CDKL5: variants seen among roughly 807,000 people sequenced by gnomAD.
CDKL5 encodes cyclin dependent kinase like 5, also known as cyclin-dependent kinase-like 5.
Under a neutral mutation model 61.7 loss-of-function variants are expected in CDKL5, and 8 were observed. That is an observed-to-expected ratio of 0.13 (90% confidence interval 0.08 to 0.23). The LOEUF is 0.23. Among genes scored for constraint, CDKL5 ranks in the 10% least tolerant of loss-of-function variants. The pLI is 1.00. For missense variants in CDKL5, 440 were observed against 734.5 expected (o/e 0.60, Z 4.63); for synonymous variants, 275 against 272.3 (o/e 1.01, Z -0.10).
chrX:18,638,547 T>A lies in CDKL5; in HGVS notation c.*9790T>A, dbSNP rs764394894. 1.8e-5 allele frequency: 2 copies of A among 112,568 alleles called. No individual in the cohort carries two copies. The highest frequency in any genetic ancestry group is 6.4e-5 in the African/African-American group (2 of 31,070). 9.3% of individuals were successfully genotyped at this position (112,568 alleles called of 1,213,427 possible). On this transcript the variant is annotated 3_prime_UTR_variant, in exon 18 of 18. Coordinates refer to ENST00000623535, the MANE Select transcript of CDKL5 (RefSeq NM_001323289.2). Reference sequence around the variant, plus strand: ...CTTCAGATTTCCCTCAATAAAAGTTTTAGTTTTTATACATTCTGTCATGAA... The same window carrying A: ...CTTCAGATTTCCCTCAATAAAAGTTATAGTTTTTATACATTCTGTCATGAA...
intron 1 of CDKL5, among the ~76,000 whole-genome samples, chrX:18,460,175 C>T (rs1457708160): frequency 9.0e-6 from 1 of 111,024 alleles, no homozygotes; most frequent in Non-Finnish European, 1.9e-5. Flanking sequence ...TTGAGACAGG[C>T]GTGAGCCACC....
chrX:18,604,306 A>G lies in CDKL5; in HGVS notation c.1382A>G (p.Asn461Ser), dbSNP rs267608629. ...SQSKAGTLQPNEKQSRHSYID... is the reference protein window; with the variant it reads ...SQSKAGTLQPSEKQSRHSYID... ...AGCAAAGCTGGGACACTGCAGCCCA[A>G]TGAAAAGCAGAGTCGGCATAGCTAT... The change falls in exon 12 of 18, where the codon AAT becomes AGT. Residue 461 changes from asparagine (N) to serine (S), a missense_variant. Physicochemically the swap from Asn to Ser is conservative, Grantham distance 46. Coordinates refer to ENST00000623535, the MANE Select transcript of CDKL5 (RefSeq NM_001323289.2). The G allele has an allele frequency of 9.9e-6, 12 of 1,209,668 alleles. No individual in the cohort carries two copies. In the South Asian group the frequency reaches 1.2e-4, roughly 12 times the overall value.
chrX:18,444,684 T>C (rs185983475), intron 1 of CDKL5, among the ~76,000 whole-genome samples: 146 of 112,651 alleles, frequency 1.3e-3, no homozygotes, highest in African/African-American at 4.4e-3. Context: ...AAATTTTCTT[T>C]CAAATCAGCT....
At chrX:18,450,062 G>A (rs1406359165) in intron 1 of CDKL5, among the ~76,000 whole-genome samples, 1 of 112,074 alleles carries the variant, frequency 8.9e-6, no homozygotes, top group Non-Finnish European at 1.9e-5. Context: ...CAAAGTGCTG[G>A]GATTACAGGC....
chrX:18,501,580 G>A (rs755043419), intron 1 of CDKL5, among the ~76,000 whole-genome samples: 2 of 109,569 alleles, frequency 1.8e-5, no homozygotes, highest in African/African-American at 6.7e-5. Flanking sequence ...AGACAGTCTC[G>A]CTCTGTCGCC....
In CDKL5 at chrX:18,628,940, G is replaced by A. The variant is rs1477042069; in HGVS notation, c.*183G>A. ...TCCTCGCGGCCACAAATGCTAGTCA[G>A]GGATCTTAGAGCCACAGGAGTTCCT... is the stretch of plus-strand genomic sequence containing the variant. On this transcript the variant is annotated 3_prime_UTR_variant, in exon 18 of 18. Transcript: ENST00000623535. 2 of 1,048,477 alleles carry A rather than the reference G, an allele frequency of 1.9e-6. No individual in the cohort carries two copies. Among genetic ancestry groups the A allele is most frequent in the African/African-American group, 3.8e-5 (2 of 52,475 alleles). The allele number at this position is 1,048,477 out of a possible 1,213,427, so 86.4% of individuals were successfully genotyped here. A position where few individuals can be genotyped will look rare whatever the true frequency, so the allele number is the denominator to read the frequency against.
chrX:18,648,251 T>TC (rs900639700), intron 20 of CDKL5, among the ~76,000 whole-genome samples: 5 of 110,374 alleles, frequency 4.5e-5, no homozygotes, highest in African/African-American at 1.7e-4. Context: ...TTCTCCTTTT[T>TC]TTTTTCTTTT....
chrX:18,526,220 C>T (rs1364471950), intron 3 of CDKL5, among the ~76,000 whole-genome samples: 3 of 112,108 alleles, frequency 2.7e-5, no homozygotes, highest in African/African-American at 9.7e-5. Context: ...ATTGTGTTTT[C>T]AATTTCAAAT....
intron 20 of CDKL5, chrX:18,650,393 C>T: frequency 8.3e-7 from 1 of 1,210,227 alleles, no homozygotes. Context: ...TTCCACTGCC[C>T]TCTGAATATT....
chrX:18,564,543 A>T, intron 4 of CDKL5, 21 bp downstream of exon 4: 3 of 608,002 alleles, frequency 4.9e-6, no homozygotes, highest in South Asian at 1.1e-4. Context: ...ATATATATAT[A>T]TATATATCTG....
chrX:18,518,972 GGT>G (rs1228994799), intron 3 of CDKL5, among the ~76,000 whole-genome samples: 2 of 111,065 alleles, frequency 1.8e-5, no homozygotes, highest in Non-Finnish European at 3.8e-5. Flanking sequence ...GAATGAGAAT[GGT>G]ATAGTGAGAA....
rs1602281821 is a variant in CDKL5, at chrX:18,597,430, T to G, written c.826-1032T>G. 2.7e-5 allele frequency among the ~76,000 whole-genome samples: 3 copies of G among 109,622 alleles called. No individual in the cohort carries two copies. In the South Asian group the frequency reaches 1.2e-3, roughly 43 times the overall value. On this transcript the variant is annotated intron_variant, in intron 10 of 17. Coordinates refer to ENST00000623535, the MANE Select transcript of CDKL5 (RefSeq NM_001323289.2). The stretch of plus-strand genomic sequence containing the variant: ...AATTAATTCAAGCCCCTAATAACCT[T>G]AAGACTAGCTGTAGTAATTATATTG...
chrX:18,623,754 C>A, intron 16 of CDKL5: 1 of 222,038 alleles, frequency 4.5e-6, no homozygotes. Context: ...TCTAGATGCA[C>A]AGCACCGAGA....
intron 3 of CDKL5, among the ~76,000 whole-genome samples, chrX:18,540,206 G>T (rs962006299): frequency 5.4e-5 from 6 of 110,824 alleles, no homozygotes. Context: ...GTCTCATTTT[G>T]TCACCCAGGC....
intron 9 of CDKL5, among the ~76,000 whole-genome samples, chrX:18,594,905 G>A (rs1003631330): frequency 1.8e-5 from 2 of 112,323 alleles, no homozygotes; most frequent in Non-Finnish European, 3.8e-5. Context: ...ATAGACGGCC[G>A]GGTGTGGTGG....
At chrX:18,626,443 G>T (rs367963623) in intron 17 of CDKL5, among the ~76,000 whole-genome samples, 76 of 110,036 alleles carry the variant, frequency 6.9e-4, no homozygotes, top group African/African-American at 2.4e-3. Flanking sequence ...CATTCTATTT[G>T]CCCCAGCCAT....
intron 1 of CDKL5, among the ~76,000 whole-genome samples, chrX:18,503,643 A>G (rs1801903939): frequency 8.9e-6 from 1 of 112,586 alleles, no homozygotes. Context: ...GAGGTAATAT[A>G]TGCAAATTCT....
intron 3 of CDKL5, among the ~76,000 whole-genome samples, chrX:18,557,532 A>G (rs946433541): frequency 2.7e-5 from 3 of 111,769 alleles, no homozygotes; most frequent in Non-Finnish European, 3.8e-5. Context: ...GAATAGTAGA[A>G]TAAAAGAGTA....
At chrX:18,553,654 G>A (rs1201428696) in intron 3 of CDKL5, among the ~76,000 whole-genome samples, 2 of 110,845 alleles carry the variant, frequency 1.8e-5, no homozygotes, top group Non-Finnish European at 3.8e-5. Context: ...TACCACGCTG[G>A]GCTAATTTTT....
Sources: gnomAD v4.1 joint callset for allele counts (sites outside exome capture counted in the v4.1 genomes callset) on GRCh38, gnomAD v4.1.1 for gene constraint, MANE v1.5 for transcripts, NCBI Gene and HGNC (gene_info 2026-07-23, HGNC 2026-07-21) for gene names.